ADAM23: variants seen among roughly 807,000 people sequenced by gnomAD.
ADAM23 encodes the protein ADAM metallopeptidase domain 23.
Under a neutral mutation model 120.1 loss-of-function variants are expected in ADAM23, and 33 were observed. That is an observed-to-expected ratio of 0.27 (90% CI 0.21 to 0.37). The LOEUF (loss-of-function observed/expected upper bound fraction) is 0.37. Ranked by LOEUF, ADAM23 falls within the 10% of genes least tolerant of loss-of-function variation. The pLI is 1.00. For missense variants in ADAM23, 862 were observed against 1,058.2 expected, an observed-to-expected ratio of 0.81 and a Z score of 2.57; for synonymous variants, 367 against 375.2, an observed-to-expected ratio of 0.98 and a Z score of 0.25.
chr2:206,606,416 A>G (rs759706682), intron 24 of ADAM23: 6 of 152,346 alleles, frequency 3.9e-5, no homozygotes, highest in East Asian at 1.9e-4. Context: ...GATATTTAGC[A>G]TACTGCCTTC....
chr2:206,561,077 G>T, intron 11 of ADAM23, 51 bp from the exon 12 acceptor site: 1 of 1,522,114 alleles, frequency 6.6e-7, no homozygotes, highest in South Asian at 1.1e-5. Flanking sequence ...GGGAGAGTAT[G>T]AAATGATGGT....
At chr2:206,514,743 A>C (rs1696695513) in intron 3 of ADAM23, among the ~76,000 whole-genome samples, 1 of 152,172 alleles carries the variant, frequency 6.6e-6, no homozygotes, top group African/African-American at 2.4e-5. Flanking sequence ...TTGTTGTCTT[A>C]TTTCAATAAA....
chr2:206,537,028 AC>A (rs1697190721), intron 4 of ADAM23, among the ~76,000 whole-genome samples: 1 of 152,048 alleles, frequency 6.6e-6, no homozygotes, highest in Non-Finnish European at 1.5e-5. Context: ...CTTTTAGAAA[AC>A]AAAAAAGCAG....
intron 24 of ADAM23, among the ~76,000 whole-genome samples, chr2:206,608,429 G>A (rs769550082): frequency 1.8e-4 from 27 of 152,220 alleles, no homozygotes; most frequent in Non-Finnish European, 3.5e-4. Flanking sequence ...CATTAAACAA[G>A]GATAGTCATA....
At chr2:206,452,957 C>T (rs1695227766) in intron 2 of ADAM23, among the ~76,000 whole-genome samples, 1 of 152,184 alleles carries the variant, frequency 6.6e-6, no homozygotes, top group Non-Finnish European at 1.5e-5. Flanking sequence ...CCATCAGTCC[C>T]ACTGCTGACA....
At chr2:206,522,385 T>C (rs1489752510) in intron 3 of ADAM23, among the ~76,000 whole-genome samples, 1 of 152,134 alleles carries the variant, frequency 6.6e-6, no homozygotes, top group African/African-American at 2.4e-5. Context: ...TTTATTCTTT[T>C]GGCTATTTTA....
chr2:206,571,041 T>G (rs995800844), intron 16 of ADAM23, among the ~76,000 whole-genome samples: 3 of 152,238 alleles, frequency 2.0e-5, no homozygotes, highest in African/African-American at 4.8e-5. Context: ...TCTTAAAAAT[T>G]TGTAGCTCAT....
intron 4 of ADAM23, among the ~76,000 whole-genome samples, chr2:206,532,216 A>G (rs1697078909): frequency 1.3e-5 from 2 of 152,124 alleles, no homozygotes; most frequent in Admixed American, 1.3e-4. Flanking sequence ...ATGCTGAATC[A>G]TGAGCCTGGA....
intron 18 of ADAM23, among the ~76,000 whole-genome samples, chr2:206,574,422 G>A (rs1347889078): frequency 6.7e-6 from 1 of 149,160 alleles, no homozygotes; most frequent in African/African-American, 2.5e-5. Flanking sequence ...TTTTTGGCAG[G>A]AGGGGCCTAA....
chr2:206,485,030 CT>C (rs1409429691), intron 3 of ADAM23, among the ~76,000 whole-genome samples: 4 of 152,246 alleles, frequency 2.6e-5, no homozygotes, highest in African/African-American at 4.8e-5. Flanking sequence ...TCCATTAAAG[CT>C]TTTTTTCTTT....
chr2:206,464,581 AAAT>A (rs571927947), intron 2 of ADAM23, among the ~76,000 whole-genome samples: 5 of 151,906 alleles, frequency 3.3e-5, no homozygotes, highest in East Asian at 1.9e-4. Flanking sequence ...TCAAAAAAAA[AAAT>A]AATAATAATA....
intron 2 of ADAM23, among the ~76,000 whole-genome samples, chr2:206,461,969 A>G (rs1050421905): frequency 1.3e-5 from 2 of 152,178 alleles, no homozygotes; most frequent in Non-Finnish European, 2.9e-5. Flanking sequence ...TTTGCAAAAT[A>G]GAAGCAGAGG....
At chr2:206,580,652 C>T (rs535247510) in intron 18 of ADAM23, among the ~76,000 whole-genome samples, 1 of 152,310 alleles carries the variant, frequency 6.6e-6, no homozygotes, top group African/African-American at 2.4e-5. Context: ...CATCTGTGTT[C>T]ATCAAGGATA....
At chr2:206,481,919 A>G (rs1460267043) in intron 3 of ADAM23, among the ~76,000 whole-genome samples, 1 of 152,208 alleles carries the variant, frequency 6.6e-6, no homozygotes, top group African/African-American at 2.4e-5. Context: ...TGTTGACTTA[A>G]CTAAGGCTCT....
chr2:206,549,774 T>C (rs897579667), intron 8 of ADAM23, among the ~76,000 whole-genome samples: 1 of 152,044 alleles, frequency 6.6e-6, no homozygotes, highest in Non-Finnish European at 1.5e-5. Flanking sequence ...TTTATTTATT[T>C]TAACATAATT....
At chr2:206,484,080 G>A (rs1695954091) in intron 3 of ADAM23, among the ~76,000 whole-genome samples, 1 of 152,142 alleles carries the variant, frequency 6.6e-6, no homozygotes, top group Non-Finnish European at 1.5e-5. Flanking sequence ...GCAAGAGCTG[G>A]GTAGAGACTG....
At chr2:206,611,270 A>C (rs1698821716) in intron 25 of ADAM23, among the ~76,000 whole-genome samples, 1 of 152,186 alleles carries the variant, frequency 6.6e-6, no homozygotes, top group South Asian at 2.1e-4. Flanking sequence ...TTAGTAATGT[A>C]GTCTTGGCAT....
chr2:206,582,605 T>C (rs114038692), intron 18 of ADAM23, among the ~76,000 whole-genome samples: 2,753 of 152,318 alleles, frequency 0.018, 43 homozygotes, highest in Non-Finnish European at 0.029. Context: ...GCTTTGGTTT[T>C]GTTTTTTTGT....
chr2:206,450,757 G>A (rs1480200995), intron 2 of ADAM23, among the ~76,000 whole-genome samples: 1 of 152,156 alleles, frequency 6.6e-6, no homozygotes, highest in African/African-American at 2.4e-5. Flanking sequence ...TTTTATGGTG[G>A]AGCAAGATGT....
Sources: gnomAD v4.1 joint callset for allele counts (sites outside exome capture counted in the v4.1 genomes callset) on GRCh38, gnomAD v4.1.1 for gene constraint, MANE v1.5 for transcripts, NCBI Gene and HGNC (gene_info 2026-07-23, HGNC 2026-07-21) for gene names.